The following SENP1 variants were observed in gnomAD, a reference collection of about 807,000 sequenced individuals.
SENP1 encodes the protein SUMO specific peptidase 1, also known as sentrin-specific protease 1.
SENP1 carries 21 observed loss-of-function variants against 93.0 expected under a neutral mutation model. That is an observed-to-expected ratio of 0.23 (90% CI 0.16 to 0.33). The LOEUF (loss-of-function observed/expected upper bound fraction) is 0.33, where lower values mean the gene tolerates loss of function less well. SENP1 is among the 10% of genes least tolerant of loss of function. The pLI, the probability that SENP1 is intolerant of heterozygous loss-of-function variation, is 1.00. For missense variants in SENP1, 591 were observed against 758.7 expected (o/e 0.78, Z 2.60); for synonymous variants, 256 against 259.6 (o/e 0.99, Z 0.13).
At position 48,088,969 on chromosome 12, in the gene SENP1, AT is replaced by A; in HGVS notation, c.221-10del. 2 of 1,572,582 alleles carry A rather than the reference AT, an allele frequency of 1.3e-6. No homozygotes were observed. The highest frequency in any genetic ancestry group is 2.3e-5 in the East Asian group (1 of 43,344). On this transcript the variant is annotated splice_polypyrimidine_tract_variant and intron_variant, in intron 4 of 17. Coordinates refer to ENST00000549518, the MANE Select transcript of SENP1 (RefSeq NM_001267594.2). Reference sequence around the variant, plus strand: ...GTCTGAGGAAGGATTATCTAAAAAAATAAAAGTTTGAATAAATTAAACAAAT... The same window carrying A: ...GTCTGAGGAAGGATTATCTAAAAAAAAAAAGTTTGAATAAATTAAACAAAT...
intron 8 of SENP1, among the ~76,000 whole-genome samples, chr12:48,072,981 G>T (rs1943814940): frequency 6.6e-6 from 1 of 151,914 alleles, no homozygotes; most frequent in African/African-American, 2.4e-5. Context: ...TGGGGGAATG[G>T]AAGAGGGAAA....
rs145962370 is a variant in SENP1, at chr12:48,078,152, T to C, written c.553-3359A>G. ...CTTTTACTTCCTTGGTTAAATTTGA[T>C]TGGTTTTTTGTAGCTATTGTAAATG... is the stretch of plus-strand genomic sequence containing the variant. On this transcript the variant is annotated intron_variant, in intron 6 of 17. Transcript: ENST00000549518. Among the ~76,000 whole-genome samples, 203 of 151,570 alleles carry C rather than the reference T, an allele frequency of 1.3e-3. 5 individuals carry two copies. In the East Asian group the frequency reaches 0.035, roughly 26 times the overall value.
chr12:48,084,578 A>G (rs1213872896), intron 5 of SENP1, among the ~76,000 whole-genome samples: 5 of 151,210 alleles, frequency 3.3e-5, no homozygotes, highest in Admixed American at 2.0e-4. Context: ...CCTCCCGAAT[A>G]GCTGGGATTA....
chr12:48,100,271 G>T (rs1310720613), intron 2 of SENP1, among the ~76,000 whole-genome samples: 1 of 152,196 alleles, frequency 6.6e-6, no homozygotes, highest in Non-Finnish European at 1.5e-5. Flanking sequence ...CTAGCTAAAT[G>T]AAATAGAATA....
chr12:48,061,127 T>A (rs1942932080), intron 13 of SENP1, among the ~76,000 whole-genome samples: 1 of 152,212 alleles, frequency 6.6e-6, no homozygotes, highest in African/African-American at 2.4e-5. Flanking sequence ...TGGATTTTAT[T>A]TTCCTTATAA....
intron 13 of SENP1, among the ~76,000 whole-genome samples, chr12:48,059,527 T>G (rs1209311000): frequency 6.6e-6 from 1 of 152,218 alleles, no homozygotes; most frequent in East Asian, 1.9e-4. Context: ...TATAGTAACT[T>G]TTTAAAAATC....
intron 16 of SENP1, among the ~76,000 whole-genome samples, chr12:48,046,711 C>A (rs557194159): frequency 3.9e-5 from 6 of 152,094 alleles, no homozygotes; most frequent in Non-Finnish European, 7.4e-5. Context: ...CTCCCTCCCC[C>A]AGAGGCCAAA....
At chr12:48,056,698 AAT>A (rs1413683229) in intron 13 of SENP1, among the ~76,000 whole-genome samples, 7 of 93,754 alleles carry the variant, frequency 7.5e-5, no homozygotes, top group Non-Finnish European at 1.3e-4. Flanking sequence ...TATATTATTT[AAT>A]ATATTACATA....
chr12:48,072,114 C>A (rs980290946), intron 8 of SENP1, among the ~76,000 whole-genome samples: 2 of 152,126 alleles, frequency 1.3e-5, no homozygotes, highest in Non-Finnish European at 1.5e-5. Flanking sequence ...TAGTTAACTG[C>A]GGTCCAAATA....
intron 9 of SENP1, among the ~76,000 whole-genome samples, chr12:48,070,940 T>G (rs144872784): frequency 6.6e-6 from 1 of 151,712 alleles, no homozygotes; most frequent in Non-Finnish European, 1.5e-5. Flanking sequence ...AAAGAAAAAT[T>G]TAAAAGTTAG....
intron 9 of SENP1, among the ~76,000 whole-genome samples, chr12:48,068,107 C>A (rs943705431): frequency 1.3e-5 from 2 of 152,120 alleles, no homozygotes; most frequent in Non-Finnish European, 2.9e-5. Flanking sequence ...CTCATGACCT[C>A]CGGTGATCCA....
Position 48,047,038 on chromosome 12 carries a change from A to G in SENP1, c.1716T>C (p.Ile572=). The G allele has an allele frequency of 6.2e-7, 1 of 1,612,646 alleles. No individual in the cohort carries two copies. The highest frequency in any genetic ancestry group is 8.5e-7 in the Non-Finnish European group (1 of 1,178,928). ...ILLQYLKQES[I]DKKRKEFDTN... Reference sequence around the variant, plus strand: ...TGTCAAACTCTTTCCTTTTCTTGTCAATGCTTTCTTGCTTTAGGTATTGCC... The same window carrying G: ...TGTCAAACTCTTTCCTTTTCTTGTCGATGCTTTCTTGCTTTAGGTATTGCC... Residue 572 remains isoleucine (I), a synonymous_variant, in exon 16 of 18, where the codon ATT becomes ATC. Coordinates refer to ENST00000549518, the MANE Select transcript of SENP1 (RefSeq NM_001267594.2).
chr12:48,078,334 T>TATATATATATATATACACAC, intron 6 of SENP1, among the ~76,000 whole-genome samples: 1 of 67,894 alleles, frequency 1.5e-5, no homozygotes, highest in South Asian at 6.1e-4. Flanking sequence ...TATATATATA[T>TATATATATATATATACACAC]ACACACACAT....
chr12:48,073,057 T>C (rs1267094184), intron 8 of SENP1, among the ~76,000 whole-genome samples: 1 of 152,092 alleles, frequency 6.6e-6, no homozygotes, highest in East Asian at 1.9e-4. Context: ...GTCTAAAAAG[T>C]ACAAATTTTA....
chr12:48,057,785 C>T (rs975231187), intron 13 of SENP1, among the ~76,000 whole-genome samples: 73 of 150,348 alleles, frequency 4.9e-4, no homozygotes, highest in Non-Finnish European at 9.2e-4. Context: ...TTTTAGTAGA[C>T]AGAGTTTTGC....
At chr12:48,089,192 C>A (rs761902373) in intron 4 of SENP1, 9 of 1,509,706 alleles carry the variant, frequency 6.0e-6, no homozygotes, top group Admixed American at 3.5e-5. Flanking sequence ...CTGAATCCTG[C>A]CACAGCCATG....
chr12:48,083,622 G>A lies in SENP1; in HGVS notation c.521C>T (p.Thr174Ile). ...TGCTGTACTAACATGTCGCCTCTGA[G>A]TTTTCTTGGGGCTCAAAAGACTTCG... ...CRRSLLSPKK[T>I]QRRHVSTAEE... The change falls in exon 6 of 18, where the codon ACT (threonine) becomes ATT (isoleucine). Residue 174 changes from threonine to isoleucine, a missense_variant. By Grantham distance (89) the Thr-to-Ile change is moderately conservative. Around this residue, in one of 4 missense-constraint regions of SENP1, gnomAD observed 214 missense variants for 243.4 expected, o/e 0.88. Transcript: ENST00000549518. 1.2e-6 allele frequency: 2 copies of A among 1,613,802 alleles called. No homozygotes were observed. Among genetic ancestry groups the A allele is most frequent in the Non-Finnish European group, 1.7e-6 (2 of 1,179,820 alleles).
chr12:48,069,315 A>G (rs1387488795), intron 9 of SENP1, among the ~76,000 whole-genome samples: 1 of 152,188 alleles, frequency 6.6e-6, no homozygotes, highest in Non-Finnish European at 1.5e-5. Context: ...ATAAAAGCAG[A>G]TCTTCATTAC....
chr12:48,076,111 T>C (rs1309370037), intron 6 of SENP1, among the ~76,000 whole-genome samples: 1 of 152,262 alleles, frequency 6.6e-6, no homozygotes, highest in Admixed American at 6.5e-5. Flanking sequence ...CCTGACTCAA[T>C]GGGCTATGTT....
Sources: gnomAD v4.1 joint callset for allele counts (sites outside exome capture counted in the v4.1 genomes callset) on GRCh38, gnomAD v4.1.1 for gene constraint, gnomAD v4.1.1 regional missense constraint, MANE v1.5 for transcripts, NCBI Gene and HGNC (gene_info 2026-07-23, HGNC 2026-07-21) for gene names.